Variants in BDH2 observed in about 807,000 individuals in gnomAD.
The protein encoded by BDH2 is 3-hydroxybutyrate dehydrogenase 2, also known as dehydrogenase/reductase SDR family member 6.
Under a neutral mutation model 33.2 loss-of-function variants are expected in BDH2, and 24 were observed. The ratio of observed to expected loss-of-function variants is 0.72; its 90% CI spans 0.52 to 1.02. The LOEUF (loss-of-function observed/expected upper bound fraction) is 1.02. Among genes scored for constraint, BDH2 ranks in the 50% least tolerant of loss-of-function variants. BDH2 has a pLI of 0.00. For synonymous variants in BDH2, 81 were observed against 101.6 expected (o/e 0.80, Z 1.22); for missense variants, 249 against 301.6 (o/e 0.83, Z 1.29).
rs1236216029 is a variant in BDH2, at chr4:103,082,093, C to G, written c.672G>C (p.Leu224Phe). The G allele has an allele frequency of 6.2e-7, 1 of 1,614,042 alleles. No individual in the cohort carries two copies. Residue 224 changes from leucine (L) to phenylalanine (F), a missense_variant, in exon 9 of 10, where the codon TTG becomes TTC. Transcript: ENST00000296424. ...GAATAGTGCTTACTTCATCAGAAGC[C>G]AAATACACGCAGAGCATGGCTATTT... ...AEEIAMLCVYLASDESAYVTG... is the reference protein window; with the variant it reads ...AEEIAMLCVYFASDESAYVTG...
intron 4 of BDH2, chr4:103,091,755 AAGAG>A (rs111558110): frequency 2.6e-5 from 12 of 455,942 alleles, no homozygotes; most frequent in African/African-American, 8.0e-5. Flanking sequence ...AGAAAAAAAA[AAGAG>A]AGAGAGAAAA....
intron 1 of BDH2, chr4:103,097,539 C>T (rs865790406): frequency 6.6e-6 from 1 of 152,202 alleles, no homozygotes; most frequent in Non-Finnish European, 1.5e-5. Context: ...CTCATACGAA[C>T]TCACAAAGTG....
chr4:103,098,041 T>C (rs987622529), intron 1 of BDH2, among the ~76,000 whole-genome samples: 1 of 152,114 alleles, frequency 6.6e-6, no homozygotes, highest in African/African-American at 2.4e-5. Context: ...GTTACTCCTA[T>C]AGGCAACAGC....
chr4:103,091,506 A>G, intron 4 of BDH2: 1 of 456,990 alleles, frequency 2.2e-6, no homozygotes. Flanking sequence ...TTTTCCAAAC[A>G]AAAGTATGGT....
chr4:103,086,316 A>C lies in BDH2; in HGVS notation c.418+164T>G, dbSNP rs899903810. ...TTTACCACTGGCTCACATCGAGAGC[A>C]AAAGATCTGTGGTTAAGGAACTTAA... On this transcript the variant is annotated intron_variant, in intron 6 of 9. Transcript: ENST00000296424. 21 of 1,334,316 alleles carry C rather than the reference A, an allele frequency of 1.6e-5. No individual in the cohort carries two copies. The African/African-American group carries it at 2.8e-4, about 18-fold the overall frequency. 82.7% of individuals were successfully genotyped at this position (1,334,316 alleles called of 1,614,324 possible).
chr4:103,082,954 T>C (rs1259933432), intron 7 of BDH2, 25 bp from the exon 8 acceptor site: 3 of 1,594,736 alleles, frequency 1.9e-6, no homozygotes, highest in African/African-American at 1.3e-5. Flanking sequence ...GATATTCAGC[T>C]TGGTTACTCA....
intron 1 of BDH2, 133 bp downstream of exon 1, chr4:103,099,650 C>T (rs1348116870): frequency 1.9e-4 from 29 of 152,116 alleles, no homozygotes; most frequent in Admixed American, 1.9e-3. Flanking sequence ...CTTTAAAAAC[C>T]CATCTTTACA....
chr4:103,082,251 A>G, intron 8 of BDH2, 78 bp from the exon 9 acceptor site: 2 of 1,247,210 alleles, frequency 1.6e-6, no homozygotes, highest in Non-Finnish European at 2.3e-6. Flanking sequence ...CAAGGAGTTA[A>G]AGGCAAGAGA....
At chr4:103,089,814 A>G (rs1336175639) in intron 5 of BDH2, among the ~76,000 whole-genome samples, 1 of 152,172 alleles carries the variant, frequency 6.6e-6, no homozygotes, top group East Asian at 1.9e-4. Context: ...CATAAACTCC[A>G]AATAGGCTAA....
At chr4:103,093,144 CA>C (rs1478414185) in intron 3 of BDH2, among the ~76,000 whole-genome samples, 1 of 152,076 alleles carries the variant, frequency 6.6e-6, no homozygotes, top group Non-Finnish European at 1.5e-5. Flanking sequence ...TGCATATATT[CA>C]AGATGTCCTT....
At chr4:103,093,463 C>G (rs1748208479) in intron 3 of BDH2, among the ~76,000 whole-genome samples, 1 of 151,848 alleles carries the variant, frequency 6.6e-6, no homozygotes, top group Non-Finnish European at 1.5e-5. Flanking sequence ...GAGATACACA[C>G]TGCACTAGTT....
intron 3 of BDH2, among the ~76,000 whole-genome samples, chr4:103,094,643 G>C (rs1748276927): frequency 6.6e-6 from 1 of 151,820 alleles, no homozygotes; most frequent in South Asian, 2.1e-4. Context: ...AAGTTTGTAA[G>C]AAACTTCTAA....
intron 3 of BDH2, among the ~76,000 whole-genome samples, chr4:103,093,748 TATA>T (rs1400794326): frequency 6.8e-6 from 1 of 147,582 alleles, no homozygotes; most frequent in Admixed American, 6.8e-5. Context: ...TATAATTATC[TATA>T]ATGTGTATTA....
In BDH2 at chr4:103,098,117, G is replaced by C. The variant is rs1475404066; in HGVS notation, c.-21+1666C>G. Among the ~76,000 whole-genome samples the C allele has an allele frequency of 3.9e-5, 6 of 152,238 alleles. No homozygotes were observed. In the South Asian group the frequency reaches 1.0e-3, roughly 26 times the overall value. Reference sequence around the variant, plus strand: ...CGTATTTTGGAAGGACTGCTGTGGAGAACATACCTGGGCAGGAGCATGGGG... The same window carrying C: ...CGTATTTTGGAAGGACTGCTGTGGACAACATACCTGGGCAGGAGCATGGGG... On this transcript the variant is annotated intron_variant, in intron 1 of 9. Transcript: ENST00000296424.
intron 4 of BDH2, among the ~76,000 whole-genome samples, chr4:103,092,218 G>A (rs116766896): frequency 0.015 from 2,257 of 152,244 alleles, 18 homozygotes; most frequent in South Asian, 0.029. Context: ...TTTAATAGAT[G>A]CTCAGAAACT....
At position 103,086,495 on chromosome 4, in the gene BDH2, C is replaced by T. The variant is rs780714864; in HGVS notation, c.403G>A (p.Ala135Thr). 1.2e-6 allele frequency: 2 copies of T among 1,612,972 alleles called. No homozygotes were observed. The highest frequency in any genetic ancestry group is 2.2e-5 in the South Asian group (2 of 90,732). ...ACAGACCCACCTTTGACGCTGGAAG[C>T]CACAGAAGACATGTTGATAATATTG... Reference protein sequence around the residue: ...SGNIINMSSVASSVKGVVNRC... With the variant: ...SGNIINMSSVTSSVKGVVNRC... The change falls in exon 6 of 10, where the codon GCT becomes ACT. Residue 135 changes from alanine (A) to threonine (T), a missense_variant. Ala to Thr is a moderately conservative substitution (Grantham distance 58). Coordinates refer to ENST00000296424, the MANE Select transcript of BDH2 (RefSeq NM_020139.4).
intron 4 of BDH2, chr4:103,092,394 T>C (rs1748149460): frequency 1.7e-6 from 1 of 572,674 alleles, no homozygotes. Flanking sequence ...GTAGACCTCA[T>C]TTGCCCCAGA....
At chr4:103,094,064 G>A (rs571801178) in intron 3 of BDH2, among the ~76,000 whole-genome samples, 2 of 152,238 alleles carry the variant, frequency 1.3e-5, no homozygotes, top group African/African-American at 4.8e-5. Context: ...TGGGTAAACT[G>A]CAATTAAAAT....
At chr4:103,093,464 T>G (rs368055269) in intron 3 of BDH2, among the ~76,000 whole-genome samples, 1 of 151,862 alleles carries the variant, frequency 6.6e-6, no homozygotes, top group Non-Finnish European at 1.5e-5. Flanking sequence ...AGATACACAC[T>G]GCACTAGTTG....
Sources: gnomAD v4.1 joint callset for allele counts (sites outside exome capture counted in the v4.1 genomes callset) on GRCh38, gnomAD v4.1.1 for gene constraint, MANE v1.5 for transcripts, NCBI Gene and HGNC (gene_info 2026-07-23, HGNC 2026-07-21) for gene names.